Variants in MYLK observed in about 807,000 individuals in gnomAD.
MYLK encodes the protein myosin light chain kinase, smooth muscle.
In MYLK, 106 loss-of-function variants were observed where a neutral mutation model predicts 203.4. The ratio of observed to expected loss-of-function variants is 0.52; its 90% CI spans 0.45 to 0.61. The LOEUF (loss-of-function observed/expected upper bound fraction) is 0.61, where lower values mean the gene tolerates loss of function less well. Among genes scored for constraint, MYLK ranks in the 20% least tolerant of loss-of-function variants. MYLK has a pLI of 0.00. For missense variants in MYLK, 2,072 were observed against 2,442.3 expected, an observed-to-expected ratio of 0.85 and a Z score of 3.20; for synonymous variants, 867 against 959.5, an observed-to-expected ratio of 0.90 and a Z score of 1.78.
intron 31 of MYLK, chr3:123,621,854 C>T (rs1299156689): frequency 1.3e-5 from 2 of 152,502 alleles, no homozygotes; most frequent in African/African-American, 4.8e-5. Flanking sequence ...CCACGCAGCC[C>T]CAGGTGGAGG....
chr3:123,859,907 A>C (rs1370623886), intron 2 of MYLK, among the ~76,000 whole-genome samples: 1 of 152,140 alleles, frequency 6.6e-6, no homozygotes, highest in Non-Finnish European at 1.5e-5. Context: ...TACAAAAAAA[A>C]CAGATACATA....
chr3:123,727,295 T>G (rs2062324554), intron 11 of MYLK, among the ~76,000 whole-genome samples: 1 of 151,782 alleles, frequency 6.6e-6, no homozygotes, highest in South Asian at 2.1e-4. Context: ...CCAGAAGGTG[T>G]GGGGAGGCAC....
In MYLK at chr3:123,737,468, C is replaced by T; in HGVS notation, c.664G>A (p.Gly222Arg). 1.2e-6 allele frequency: 2 copies of T among 1,614,194 alleles called. No individual in the cohort carries two copies. Among genetic ancestry groups the T allele is most frequent in the Non-Finnish European group, 1.7e-6 (2 of 1,180,034 alleles). The change falls in exon 8 of 34, where the codon GGA (glycine) becomes AGA (arginine). Residue 222 changes from glycine (G) to arginine (R), a missense_variant. Gly to Arg is a moderately radical substitution (Grantham distance 125). This residue lies in a region of MYLK where 683 missense variants were observed against 643.8 expected (regional missense o/e 1.06). Transcript: ENST00000360304. ...ACTCCCACGTCATCTTGGTTGACTC[C>T]ATGGATTTCCAGAACCTGCATGCCG... is the stretch of plus-strand genomic sequence containing the variant. ...KNGMQVLEIHGVNQDDVGVYT... is the reference protein window; with the variant it reads ...KNGMQVLEIHRVNQDDVGVYT...
rs555149945 is a variant in MYLK, at chr3:123,637,021, A to T, written c.4961+1050T>A. ...TGGCTATGCATCAGAATCGCCCAGA[A>T]CCTTCTCTCACACTGGAGTCTGAAG... On this transcript the variant is annotated intron_variant, in intron 29 of 33. Coordinates refer to ENST00000360304, the MANE Select transcript of MYLK (RefSeq NM_053025.4). Among the ~76,000 whole-genome samples the T allele has an allele frequency of 2.0e-5, 3 of 152,340 alleles. No individual in the cohort carries two copies. In the East Asian group the frequency reaches 5.8e-4, roughly 29 times the overall value.
chr3:123,849,124 C>T (rs763848160), intron 2 of MYLK, among the ~76,000 whole-genome samples: 11 of 152,106 alleles, frequency 7.2e-5, no homozygotes, highest in Middle Eastern at 3.4e-3. Context: ...TACAGGCCCG[C>T]GTCACTACAC....
chr3:123,714,237 G>A (rs367811580), intron 13 of MYLK, among the ~76,000 whole-genome samples: 9 of 152,286 alleles, frequency 5.9e-5, no homozygotes, highest in Admixed American at 3.9e-4. Flanking sequence ...TAAGGTCCTG[G>A]GGCTGCGATG....
In MYLK at chr3:123,808,647, T is replaced by C. The variant is rs145493012; in HGVS notation, c.-3-14803A>G. ...AGGGATGGCTAAGTCAGAGAAGCAC[T>C]GGTCCAATTACAGAAAGGAAACCTA... On this transcript the variant is annotated intron_variant, in intron 3 of 33. Transcript: ENST00000360304. Among the ~76,000 whole-genome samples, 5 of 152,296 alleles carry C rather than the reference T, an allele frequency of 3.3e-5. No individual in the cohort carries two copies. In the East Asian group the frequency reaches 5.8e-4, roughly 18 times the overall value.
chr3:123,862,115 AG>A (rs1371871740), intron 2 of MYLK, among the ~76,000 whole-genome samples: 1 of 152,216 alleles, frequency 6.6e-6, no homozygotes, highest in Non-Finnish European at 1.5e-5. Context: ...CAGCGTCACC[AG>A]TCTGGGCTGC....
chr3:123,850,349 C>A (rs1198302352), intron 2 of MYLK, among the ~76,000 whole-genome samples: 3 of 152,178 alleles, frequency 2.0e-5, no homozygotes, highest in Admixed American at 6.5e-5. Context: ...AACTAGTTTA[C>A]AATCCCACCA....
chr3:123,654,521 C>T (rs1163484993), intron 24 of MYLK, among the ~76,000 whole-genome samples: 1 of 152,066 alleles, frequency 6.6e-6, no homozygotes, highest in Non-Finnish European at 1.5e-5. Context: ...AAGTCAAATA[C>T]ATTCTCACCT....
Position 123,788,191 on chromosome 3 carries a change from C to T in MYLK, c.165+5486G>A, listed in dbSNP as rs537414668. Among the ~76,000 whole-genome samples the T allele has an allele frequency of 2.0e-3, 297 of 152,234 alleles. 1 individual carries two copies. Among genetic ancestry groups the T allele is most frequent in the African/African-American group, 6.7e-3 (279 of 41,520 alleles). On this transcript the variant is annotated intron_variant, in intron 4 of 33. Transcript: ENST00000360304. Reference sequence around the variant, plus strand: ...CAGGAAACCAGTCTTCAAGCCACTCCCAGCCTCATCTTAATCTCTCAATTC... The same window carrying T: ...CAGGAAACCAGTCTTCAAGCCACTCTCAGCCTCATCTTAATCTCTCAATTC...
At chr3:123,810,513 G>A (rs750938588) in intron 3 of MYLK, among the ~76,000 whole-genome samples, 57 of 152,138 alleles carry the variant, frequency 3.7e-4, no homozygotes, top group Non-Finnish European at 6.2e-4. Flanking sequence ...CATTTCTGGC[G>A]CTCAATAGAA....
intron 2 of MYLK, among the ~76,000 whole-genome samples, chr3:123,846,976 T>C (rs960091255): frequency 1.3e-5 from 2 of 152,140 alleles, no homozygotes; most frequent in African/African-American, 2.4e-5. Context: ...TTATGGAACT[T>C]GGAATTCTTA....
At position 123,726,038 on chromosome 3, in the gene MYLK, G is replaced by A. The variant is rs2062269986; in HGVS notation, c.1557C>T (p.Val519=). The A allele has an allele frequency of 6.2e-7, 1 of 1,614,178 alleles. No homozygotes were observed. Among genetic ancestry groups the A allele is most frequent in the Non-Finnish European group, 8.5e-7 (1 of 1,180,034 alleles). The change falls in exon 12 of 34, where the codon GTC becomes GTT. Residue 519 remains valine (V), a synonymous_variant. Coordinates refer to ENST00000360304, the MANE Select transcript of MYLK (RefSeq NM_053025.4). The part of the protein sequence containing the change: ...VMEVAPSFSS[V]LKDCAVIEGQ... The stretch of plus-strand genomic sequence containing the variant: ...CCTCAATAACAGCGCAGTCCTTCAG[G>A]ACACTGGAGAAGGAGGGGGCCACCT...
Position 123,803,396 on chromosome 3 carries a change from T to C in MYLK, c.-3-9552A>G, listed in dbSNP as rs139027625. Reference sequence around the variant, plus strand: ...AGTAGGTGCACAGGAGAAATCCGGATGGCACTGGAGGGTGAGATAGCACAG... The same window carrying C: ...AGTAGGTGCACAGGAGAAATCCGGACGGCACTGGAGGGTGAGATAGCACAG... On this transcript the variant is annotated intron_variant, in intron 3 of 33. Coordinates refer to ENST00000360304, the MANE Select transcript of MYLK (RefSeq NM_053025.4). 9.3e-3 allele frequency among the ~76,000 whole-genome samples: 1,420 copies of C among 152,270 alleles called. 34 individuals are homozygous for C. The highest frequency in any genetic ancestry group is 9.1e-3 in the Non-Finnish European group (619 of 68,012).
At chr3:123,655,025 C>T (rs966169251) in intron 24 of MYLK, among the ~76,000 whole-genome samples, 2 of 152,100 alleles carry the variant, frequency 1.3e-5, no homozygotes, top group African/African-American at 4.8e-5. Context: ...GCCTCTTATC[C>T]TAAATTTACA....
chr3:123,751,025 C>T (rs1038072789), intron 5 of MYLK, among the ~76,000 whole-genome samples: 9 of 152,210 alleles, frequency 5.9e-5, no homozygotes, highest in Non-Finnish European at 8.8e-5. Flanking sequence ...AGGTGCACCT[C>T]GCCCCCTTCT....
At chr3:123,637,799 C>A (rs1378184748) in intron 29 of MYLK, among the ~76,000 whole-genome samples, 1 of 152,072 alleles carries the variant, frequency 6.6e-6, no homozygotes, top group Non-Finnish European at 1.5e-5. Flanking sequence ...CCAGGCTGGC[C>A]AGCCTTGGGG....
chr3:123,791,755 T>A (rs902026865), intron 4 of MYLK, among the ~76,000 whole-genome samples: 3 of 152,200 alleles, frequency 2.0e-5, no homozygotes, highest in Non-Finnish European at 4.4e-5. Flanking sequence ...AATTTTCACA[T>A]AGAAAAAGCT....
Sources: allele counts gnomAD v4.1 joint callset (sites outside exome capture counted in the v4.1 genomes callset), GRCh38; gene constraint gnomAD v4.1.1; regional missense constraint gnomAD v4.1.1; transcripts MANE v1.5; gene names NCBI Gene and HGNC (gene_info 2026-07-23, HGNC 2026-07-21).